The following SLC22A3 variants were observed in gnomAD, a reference collection of about 807,000 sequenced individuals.
The protein encoded by SLC22A3 is solute carrier family 22 member 3, also known as EMT organic cation transporter 3.
A neutral mutation model predicts 59.1 loss-of-function variants in SLC22A3; 51 were observed. The ratio of observed to expected loss-of-function variants is 0.86; its 90% CI spans 0.69 to 1.09. The LOEUF is 1.09. Among genes scored for constraint, SLC22A3 ranks in the 50% least tolerant of loss-of-function variants. The pLI, the probability that SLC22A3 is intolerant of heterozygous loss-of-function variation, is 0.00. For missense variants in SLC22A3, 711 were observed against 726.3 expected (o/e 0.98, Z 0.24); for synonymous variants, 325 against 292.0 (o/e 1.11, Z -1.15).
chr6:160,413,413 A>C (rs1787337798), intron 5 of SLC22A3, among the ~76,000 whole-genome samples: 1 of 152,368 alleles, frequency 6.6e-6, no homozygotes, highest in East Asian at 1.9e-4. Context: ...AAATACAAAA[A>C]TAGTTGAATG....
chr6:160,408,845 G>T lies in SLC22A3; in HGVS notation c.781G>T (p.Ala261Ser). 1 of 1,613,642 alleles carries T rather than the reference G, an allele frequency of 6.2e-7. No individual in the cohort carries two copies. The highest frequency in any genetic ancestry group is 8.5e-7 in the Non-Finnish European group (1 of 1,179,774). ...TLGIIILPGI[A>S]YFIPNWQGIQ... ...TGGAATCATAATTCTCCCTGGAATT[G>T]CCTACTTCATCCCCAACTGGCAAGG... is the stretch of plus-strand genomic sequence containing the variant. Residue 261 changes from alanine to serine, a missense_variant, in exon 4 of 11, where the codon GCC (alanine) becomes TCC (serine). Physicochemically the swap from Ala to Ser is moderately conservative, Grantham distance 99 (BLOSUM62 1). Coordinates refer to ENST00000275300, the MANE Select transcript of SLC22A3 (RefSeq NM_021977.4).
Position 160,408,896 on chromosome 6 carries a change from A to C in SLC22A3, c.832A>C (p.Ser278Arg). 3.1e-6 allele frequency: 5 copies of C among 1,613,748 alleles called. No homozygotes were observed. The highest frequency in any genetic ancestry group is 4.2e-6 in the Non-Finnish European group (5 of 1,179,842). ...AATCCAGTTAGCCATCACGCTGCCCAGCTTTCTCTTCCTCCTTTATTACTG... is the reference window on the plus strand; with the variant it reads ...AATCCAGTTAGCCATCACGCTGCCCCGCTTTCTCTTCCTCCTTTATTACTG... Reference protein sequence around the residue: ...QGIQLAITLPSFLFLLYYWVV... With the variant: ...QGIQLAITLPRFLFLLYYWVV... The change falls in exon 4 of 11, where the codon AGC becomes CGC. Residue 278 changes from serine to arginine, a missense_variant. Physicochemically the swap from Ser to Arg is moderately radical, Grantham distance 110. Coordinates refer to ENST00000275300, the MANE Select transcript of SLC22A3 (RefSeq NM_021977.4).
At chr6:160,376,032 G>A (rs963755727) in intron 1 of SLC22A3, among the ~76,000 whole-genome samples, 2 of 152,024 alleles carry the variant, frequency 1.3e-5, no homozygotes, top group African/African-American at 4.8e-5. Flanking sequence ...CTAAAGCCTG[G>A]CTCACAGAAA....
chr6:160,427,718 A>G (rs1488131242), intron 5 of SLC22A3, among the ~76,000 whole-genome samples: 1 of 152,142 alleles, frequency 6.6e-6, no homozygotes, highest in Non-Finnish European at 1.5e-5. Context: ...AAAGCAGAGG[A>G]TTTGCTTGAA....
chr6:160,370,471 T>A (rs1785361088), intron 1 of SLC22A3, among the ~76,000 whole-genome samples: 1 of 152,220 alleles, frequency 6.6e-6, no homozygotes, highest in Non-Finnish European at 1.5e-5. Context: ...CAGAGAGTCA[T>A]GAAATCCAGT....
At chr6:160,364,578 C>G (rs1583447622) in intron 1 of SLC22A3, among the ~76,000 whole-genome samples, 1 of 152,136 alleles carries the variant, frequency 6.6e-6, no homozygotes, top group African/African-American at 2.4e-5. Context: ...CAGTAAGGCA[C>G]AGTAAAGGGA....
intron 1 of SLC22A3, among the ~76,000 whole-genome samples, chr6:160,350,331 C>A (rs505870): frequency 0.5 from 76,200 of 151,750 alleles, 19,422 homozygotes; most frequent in African/African-American, 0.59. Context: ...TCAGGATAAA[C>A]CCCCCTGGCA....
intron 5 of SLC22A3, among the ~76,000 whole-genome samples, chr6:160,417,687 G>T (rs1787557484): frequency 6.6e-6 from 1 of 152,168 alleles, no homozygotes; most frequent in Non-Finnish European, 1.5e-5. Flanking sequence ...AGGTGCAGTG[G>T]ACTTCCTGCC....
intron 1 of SLC22A3, among the ~76,000 whole-genome samples, chr6:160,393,960 G>A (rs907262198): frequency 3.3e-5 from 5 of 152,216 alleles, no homozygotes; most frequent in African/African-American, 1.2e-4. Flanking sequence ...ACGAAGCAAT[G>A]TTATCCTTAC....
intron 1 of SLC22A3, among the ~76,000 whole-genome samples, chr6:160,378,064 A>T (rs1785662786): frequency 1.3e-5 from 2 of 152,238 alleles, no homozygotes; most frequent in Non-Finnish European, 2.9e-5. Context: ...AGAAAATATC[A>T]GAACAAGAAA....
intron 5 of SLC22A3, among the ~76,000 whole-genome samples, chr6:160,429,849 T>TA (rs148961501): frequency 1.0e-3 from 147 of 143,842 alleles, no homozygotes; most frequent in Middle Eastern, 3.5e-3. Context: ...ATCCATTTCT[T>TA]AAAAAAAAAA....
chr6:160,389,412 C>T (rs962194298), intron 1 of SLC22A3, among the ~76,000 whole-genome samples: 1 of 152,088 alleles, frequency 6.6e-6, no homozygotes, highest in Non-Finnish European at 1.5e-5. Flanking sequence ...TGTGGGAGGC[C>T]ACGGCAAAGG....
chr6:160,388,639 C>T (rs567761271), intron 1 of SLC22A3, among the ~76,000 whole-genome samples: 2 of 152,264 alleles, frequency 1.3e-5, no homozygotes, highest in East Asian at 3.9e-4. Flanking sequence ...CATAGAAATG[C>T]CTCTTATTGT....
At chr6:160,361,121 C>T (rs1483147656) in intron 1 of SLC22A3, among the ~76,000 whole-genome samples, 5 of 152,160 alleles carry the variant, frequency 3.3e-5, no homozygotes, top group Non-Finnish European at 5.9e-5. Context: ...ACATCATATA[C>T]AATAAGGATG....
At chr6:160,447,897 G>T in intron 10 of SLC22A3, 79 bp downstream of exon 10, 1 of 1,080,672 alleles carries the variant, frequency 9.3e-7, no homozygotes, top group South Asian at 1.3e-5. Flanking sequence ...TGAGAAAATT[G>T]AATATCCACA....
intron 1 of SLC22A3, among the ~76,000 whole-genome samples, chr6:160,373,270 G>A (rs1042328666): frequency 1.3e-5 from 2 of 152,184 alleles, no homozygotes; most frequent in African/African-American, 4.8e-5. Flanking sequence ...CCCCTCTGCT[G>A]CAAGTCTGCT....
At chr6:160,403,676 T>TA (rs36157729) in intron 2 of SLC22A3, among the ~76,000 whole-genome samples, 1 of 151,434 alleles carries the variant, frequency 6.6e-6, no homozygotes, top group Non-Finnish European at 1.5e-5. Flanking sequence ...CAATAGTGTA[T>TA]AAAAAAAATT....
At chr6:160,363,097 G>C (rs1007449802) in intron 1 of SLC22A3, among the ~76,000 whole-genome samples, 1 of 152,242 alleles carries the variant, frequency 6.6e-6, no homozygotes, top group African/African-American at 2.4e-5. Flanking sequence ...TGCGCACAGT[G>C]TTGCCGAGGG....
At chr6:160,372,632 CAA>C (rs1305197092) in intron 1 of SLC22A3, among the ~76,000 whole-genome samples, 97 of 152,298 alleles carry the variant, frequency 6.4e-4, no homozygotes, top group Non-Finnish European at 9.8e-4. Flanking sequence ...TCAGGTACAC[CAA>C]TCAAACGTAG....
Sources: gnomAD v4.1 joint callset for allele counts (sites outside exome capture counted in the v4.1 genomes callset) on GRCh38, gnomAD v4.1.1 for gene constraint, MANE v1.5 for transcripts, NCBI Gene and HGNC (gene_info 2026-07-23, HGNC 2026-07-21) for gene names.